Variants in OPHN1 observed in about 807,000 individuals in gnomAD.
OPHN1 encodes oligophrenin 1.
In OPHN1, 11 loss-of-function variants were observed where a neutral mutation model predicts 60.7. The observed-to-expected ratio is 0.18, with a 90% confidence interval of 0.11 to 0.30. OPHN1 has a LOEUF of 0.30. Among genes scored for constraint, OPHN1 ranks in the 10% least tolerant of loss-of-function variants. The pLI is 1.00. For synonymous variants in OPHN1, 226 were observed against 222.6 expected (o/e 1.02, Z -0.14); for missense variants, 449 against 611.0 (o/e 0.73, Z 2.80).
At chrX:68,353,692 A>T (rs1391017189) in intron 2 of OPHN1, among the ~76,000 whole-genome samples, 1 of 112,126 alleles carries the variant, frequency 8.9e-6, no homozygotes, top group Non-Finnish European at 1.9e-5. Context: ...AATAATCAAG[A>T]AAATGATAAT....
At chrX:68,229,415 T>C (rs1250809118) in intron 6 of OPHN1, among the ~76,000 whole-genome samples, 1 of 111,630 alleles carries the variant, frequency 9.0e-6, no homozygotes, top group African/African-American at 3.3e-5. Flanking sequence ...AAAACTACTT[T>C]AAAGTTCATA....
intron 2 of OPHN1, among the ~76,000 whole-genome samples, chrX:68,390,431 A>G (rs1199779622): frequency 9.1e-6 from 1 of 110,479 alleles, no homozygotes; most frequent in East Asian, 2.9e-4. Context: ...AAACCCCATC[A>G]CTACAAAAAA....
At chrX:68,076,218 A>G (rs1039343024) in intron 19 of OPHN1, among the ~76,000 whole-genome samples, 2 of 111,204 alleles carry the variant, frequency 1.8e-5, no homozygotes, top group African/African-American at 6.5e-5. Flanking sequence ...ACATAAAAAA[A>G]GTTCAACATC....
At chrX:68,242,106 T>TA (rs1486646119) in intron 5 of OPHN1, among the ~76,000 whole-genome samples, 9 of 100,444 alleles carry the variant, frequency 9.0e-5, no homozygotes, top group Non-Finnish European at 1.2e-4. Flanking sequence ...ATATCTAAAA[T>TA]AAAAAATACA....
In OPHN1 at chrX:68,372,736, G is replaced by A. The variant is rs963025972; in HGVS notation, c.154+60131C>T. On this transcript the variant is annotated intron_variant, in intron 2 of 24. Coordinates refer to ENST00000355520, the MANE Select transcript of OPHN1 (RefSeq NM_002547.3). ...AAAGACCATGTCAATTGCAGTGTCA[G>A]TTTCCAGTGACACTACTCCAAGCAG... 2.7e-5 allele frequency among the ~76,000 whole-genome samples: 3 copies of A among 110,653 alleles called. No homozygotes were observed. In the Admixed American group the frequency reaches 2.9e-4, roughly 11 times the overall value.
chrX:68,214,955 C>T (rs1160028765), intron 6 of OPHN1, among the ~76,000 whole-genome samples: 1 of 111,609 alleles, frequency 9.0e-6, no homozygotes, highest in Non-Finnish European at 1.9e-5. Context: ...CGAGATCGTG[C>T]CACTGCACTC....
intron 2 of OPHN1, among the ~76,000 whole-genome samples, chrX:68,405,983 A>T (rs1235430808): frequency 1.8e-5 from 2 of 108,903 alleles, no homozygotes; most frequent in East Asian, 5.8e-4. Context: ...CATCTCTACT[A>T]AAATACAAAA....
At chrX:68,188,827 G>A (rs1458809088) in intron 15 of OPHN1, among the ~76,000 whole-genome samples, 1 of 111,792 alleles carries the variant, frequency 8.9e-6, no homozygotes, top group Admixed American at 9.5e-5. Context: ...GTCTCCAGAT[G>A]CTGAATAATT....
At position 68,073,421 on chromosome X, in the gene OPHN1, T is replaced by C. The variant is rs764380270; in HGVS notation, c.1687-122A>G. 4 of 576,926 alleles carry C rather than the reference T, an allele frequency of 6.9e-6. No homozygotes were observed. In the South Asian group the frequency reaches 1.3e-4, roughly 19 times the overall value. 47.5% of individuals were successfully genotyped at this position (576,926 alleles called of 1,213,427 possible). A position where few individuals can be genotyped will look rare whatever the true frequency, so the allele number is the denominator to read the frequency against. On this transcript the variant is annotated intron_variant, in intron 19 of 24. Coordinates refer to ENST00000355520, the MANE Select transcript of OPHN1 (RefSeq NM_002547.3). Reference sequence around the variant, plus strand: ...AGAGTTTGTAACGTGAATACTAACATGACTCAAAGAATCAGAGATTTTCTT... The same window carrying C: ...AGAGTTTGTAACGTGAATACTAACACGACTCAAAGAATCAGAGATTTTCTT...
chrX:68,423,753 T>C (rs893445449), intron 2 of OPHN1, among the ~76,000 whole-genome samples: 2 of 112,384 alleles, frequency 1.8e-5, no homozygotes, highest in African/African-American at 6.5e-5. Flanking sequence ...CATGTGTCAG[T>C]ACTTCATTAC....
chrX:68,108,244 G>A (rs1442777255), intron 18 of OPHN1, among the ~76,000 whole-genome samples: 1 of 111,740 alleles, frequency 8.9e-6, no homozygotes, highest in East Asian at 2.8e-4. Context: ...ATTTATCCAA[G>A]ACTAACTTTG....
rs1569278092 is a variant in OPHN1 at position 68,317,367 on chromosome X, GAAA to G, written c.155-18274_155-18272del. 1.7e-3 allele frequency among the ~76,000 whole-genome samples: 120 copies of G among 69,977 alleles called. 1 individual carries two copies. Among genetic ancestry groups the G allele is most frequent in the African/African-American group, 7.9e-3 (116 of 14,641 alleles). 60.8% of individuals were successfully genotyped at this position (69,977 alleles called of 115,157 possible). On this transcript the variant is annotated intron_variant, in intron 2 of 24. Transcript: ENST00000355520. The stretch of plus-strand genomic sequence containing the variant: ...AGAAAGAAAGAAAGAAAGAAAGAAA[GAAA>G]GAAAGAAAGGAAGGAAGGAAGGAAG...
chrX:68,109,714 C>A (rs745343400), intron 18 of OPHN1, among the ~76,000 whole-genome samples: 8 of 111,233 alleles, frequency 7.2e-5, no homozygotes, highest in African/African-American at 2.3e-4. Flanking sequence ...ATATTATAAA[C>A]CTTGTTTTAC....
rs754504347 is a variant in OPHN1, at chrX:68,096,885, G to T, written c.1671C>A (p.Ile557=). 2.5e-6 allele frequency: 3 copies of T among 1,210,569 alleles called. No homozygotes were observed. Among genetic ancestry groups the T allele is most frequent in the Admixed American group, 4.3e-5 (2 of 45,980 alleles). ...AAATGCATACCTTGCCAAAGTGCTC[G>T]ATTAGTATTTCCACCACTATGTTCT... ...KFQNIVVEIL[I]EHFGKIYLGP... The change falls in exon 19 of 25, where the codon ATC becomes ATA. Residue 557 remains isoleucine, a synonymous_variant. Coordinates refer to ENST00000355520, the MANE Select transcript of OPHN1 (RefSeq NM_002547.3).
In OPHN1 at chrX:68,197,199, T is replaced by C. The variant is rs780864799; in HGVS notation, c.1091A>G (p.Asp364Gly). ...ANRRLWMEAM[D>G]GKEPIYHSPI... ...CAGGTAACTTACAGGTTCTTTCCCA[T>C]CCATGGCTTCCATCCATAGCCTTCT... The change falls in exon 12 of 25, where the codon GAT (aspartate) becomes GGT (glycine). Residue 364 changes from aspartate to glycine, a missense_variant. Transcript: ENST00000355520. The C allele has an allele frequency of 8.3e-7, 1 of 1,208,046 alleles. No homozygotes were observed. The highest frequency in any genetic ancestry group is 3.0e-5 in the East Asian group (1 of 33,778).
chrX:68,162,363 C>T (rs1207182399), intron 15 of OPHN1, among the ~76,000 whole-genome samples: 3 of 109,128 alleles, frequency 2.7e-5, no homozygotes, highest in South Asian at 3.9e-4. Flanking sequence ...TAAGATCCTT[C>T]ATATAAACCA....
chrX:68,362,660 G>A (rs777480558), intron 2 of OPHN1, among the ~76,000 whole-genome samples: 53 of 110,946 alleles, frequency 4.8e-4, no homozygotes, highest in Non-Finnish European at 6.6e-4. Context: ...GGTGAGGCAC[G>A]GGGTTGGGGG....
intron 15 of OPHN1, among the ~76,000 whole-genome samples, chrX:68,125,956 T>TATATATATATATATATATATATATAC (rs2077169399): frequency 2.6e-5 from 2 of 76,355 alleles, no homozygotes; most frequent in African/African-American, 1.0e-4. Flanking sequence ...TATATATATA[T>TATATATATATATATATATATATATAC]ACATACACAC....
At position 68,111,757 on chromosome X, in the gene OPHN1, T is replaced by G. The variant is rs954736610; in HGVS notation, c.1526+97A>C. 79 of 604,982 alleles carry G rather than the reference T, an allele frequency of 1.3e-4. No homozygotes were observed. The African/African-American group carries it at 1.6e-3, about 12-fold the overall frequency. 49.9% of individuals were successfully genotyped at this position (604,982 alleles called of 1,213,427 possible). Reference sequence around the variant, plus strand: ...AGCTTCCAAGGAAGCACTTAAGGGCTGGGGCTGAAAGAGCTGAGAGGCAGT... The same window carrying G: ...AGCTTCCAAGGAAGCACTTAAGGGCGGGGGCTGAAAGAGCTGAGAGGCAGT... On this transcript the variant is annotated intron_variant, in intron 18 of 24. Coordinates refer to ENST00000355520, the MANE Select transcript of OPHN1 (RefSeq NM_002547.3).
Sources: gnomAD v4.1 joint callset for allele counts (sites outside exome capture counted in the v4.1 genomes callset) on GRCh38, gnomAD v4.1.1 for gene constraint, MANE v1.5 for transcripts, NCBI Gene and HGNC (gene_info 2026-07-23, HGNC 2026-07-21) for gene names.